The following SPAG16 variants were observed in gnomAD, a reference collection of about 807,000 sequenced individuals.
The protein encoded by SPAG16 is sperm-associated antigen 16 protein.
A neutral mutation model predicts 80.4 loss-of-function variants in SPAG16; 86 were observed. That is an observed-to-expected ratio of 1.07 (90% CI 0.90 to 1.28). The LOEUF is 1.28. Ranked by LOEUF, SPAG16 falls within the 50% of genes most tolerant of loss-of-function variation. The pLI, the probability that SPAG16 is intolerant of heterozygous loss-of-function variation, is 0.00. For synonymous variants in SPAG16, 294 were observed against 265.9 expected, an observed-to-expected ratio of 1.11 and a Z score of -1.03; for missense variants, 870 against 765.3, an observed-to-expected ratio of 1.14 and a Z score of -1.61.
At chr2:213,940,557 G>A (rs529927266) in intron 12 of SPAG16, among the ~76,000 whole-genome samples, 1 of 152,274 alleles carries the variant, frequency 6.6e-6, no homozygotes, top group East Asian at 1.9e-4. Flanking sequence ...ATTCTCTAGA[G>A]TAGAGAGAAT....
rs1402725695 is a variant in SPAG16 at position 213,643,346 on chromosome 2, TTTTATATATATATATATATATATA to T, written c.1070+153258_1070+153281del. Among the ~76,000 whole-genome samples, 499 of 72,668 alleles carry T rather than the reference TTTTATATATATATATATATATATA, an allele frequency of 6.9e-3. 21 individuals are homozygous for T. Among genetic ancestry groups the T allele is most frequent in the Middle Eastern group, 0.022 (3 of 134 alleles). The allele number at this position is 72,668 out of a possible 152,430, so 47.7% of individuals were successfully genotyped here. ...TGCTGCCAGATGTATTGGATCTTAA[TTTTATATATATATATATATATATA>T]TATATATATATATATATATATATAT... On this transcript the variant is annotated intron_variant, in intron 10 of 15. Transcript: ENST00000331683.
chr2:214,188,859 A>T (rs556388139), intron 15 of SPAG16, among the ~76,000 whole-genome samples: 6 of 152,266 alleles, frequency 3.9e-5, no homozygotes, highest in African/African-American at 1.4e-4. Flanking sequence ...TAATTTGATG[A>T]TAATCACTTA....
intron 9 of SPAG16, among the ~76,000 whole-genome samples, chr2:213,383,899 T>C (rs556632800): frequency 6.6e-6 from 1 of 152,338 alleles, no homozygotes; most frequent in South Asian, 2.1e-4. Flanking sequence ...AAACATGTAC[T>C]GTTGTCTGCC....
intron 1 of SPAG16, among the ~76,000 whole-genome samples, chr2:213,295,273 G>A (rs1033871685): frequency 1.3e-5 from 2 of 152,036 alleles, no homozygotes; most frequent in African/African-American, 4.8e-5. Flanking sequence ...AGCATTGCTG[G>A]TGTGTGCTGT....
At chr2:213,513,448 G>C (rs1575800232) in intron 10 of SPAG16, among the ~76,000 whole-genome samples, 1 of 152,048 alleles carries the variant, frequency 6.6e-6, no homozygotes, top group East Asian at 1.9e-4. Flanking sequence ...ATTCAAACCT[G>C]GGCAATGGAG....
intron 9 of SPAG16, among the ~76,000 whole-genome samples, chr2:213,489,477 T>G (rs1236190960): frequency 6.6e-6 from 1 of 152,114 alleles, no homozygotes; most frequent in Admixed American, 6.5e-5. Context: ...AAATTAGTAC[T>G]GTGTCCTTAG....
chr2:214,320,312 GA>G (rs2125992658), intron 15 of SPAG16, among the ~76,000 whole-genome samples: 1 of 152,246 alleles, frequency 6.6e-6, no homozygotes, highest in South Asian at 2.1e-4. Context: ...CTTCCTTCCA[GA>G]ACTTCTTGTA....
intron 10 of SPAG16, among the ~76,000 whole-genome samples, chr2:213,728,876 C>CAAAAAAAAAAA (rs58070679): frequency 6.2e-4 from 36 of 58,450 alleles, no homozygotes; most frequent in Middle Eastern, 0.012. Context: ...GACTCCGTCT[C>CAAAAAAAAAAA]AAAAAAAAAA....
At chr2:213,625,934 C>A (rs2061945948) in intron 10 of SPAG16, among the ~76,000 whole-genome samples, 1 of 152,112 alleles carries the variant, frequency 6.6e-6, no homozygotes, top group African/African-American at 2.4e-5. Flanking sequence ...AGGTTATCCA[C>A]CCGCCTCGGT....
intron 15 of SPAG16, among the ~76,000 whole-genome samples, chr2:214,255,037 C>T (rs574934835): frequency 2.6e-5 from 4 of 152,144 alleles, no homozygotes; most frequent in South Asian, 2.1e-4. Context: ...GTGAGGAAAA[C>T]GCATTTTAAT....
chr2:213,539,762 A>G lies in SPAG16; in HGVS notation c.1070+49672A>G, dbSNP rs1261534365. The stretch of plus-strand genomic sequence containing the variant: ...GCGTGGTTAAACAAATAATAATACA[A>G]GTACATAATTAATGAAAATTATTTT... On this transcript the variant is annotated intron_variant, in intron 10 of 15. Coordinates refer to ENST00000331683, the MANE Select transcript of SPAG16 (RefSeq NM_024532.5). Among the ~76,000 whole-genome samples the G allele has an allele frequency of 2.6e-5, 4 of 152,216 alleles. No individual in the cohort carries two copies. In the East Asian group the frequency reaches 7.7e-4, roughly 29 times the overall value.
intron 10 of SPAG16, among the ~76,000 whole-genome samples, chr2:213,824,399 AT>A (rs1182187002): frequency 1.3e-5 from 2 of 152,060 alleles, no homozygotes; most frequent in Non-Finnish European, 2.9e-5. Flanking sequence ...TCTTTAACCC[AT>A]TTATATTGAT....
intron 5 of SPAG16, among the ~76,000 whole-genome samples, chr2:213,332,403 C>G (rs183612100): frequency 1.6e-4 from 25 of 152,214 alleles, no homozygotes; most frequent in Non-Finnish European, 3.2e-4. Flanking sequence ...TATGAAGTCT[C>G]CCAGTAAAGA....
At chr2:214,022,903 A>T (rs2047948983) in intron 13 of SPAG16, among the ~76,000 whole-genome samples, 1 of 151,978 alleles carries the variant, frequency 6.6e-6, no homozygotes, top group Non-Finnish European at 1.5e-5. Context: ...TGTTTCTCCA[A>T]GTTATTGCCA....
At chr2:213,680,695 A>T (rs1319947641) in intron 10 of SPAG16, among the ~76,000 whole-genome samples, 1 of 152,206 alleles carries the variant, frequency 6.6e-6, no homozygotes, top group African/African-American at 2.4e-5. Flanking sequence ...TAAGAGATTT[A>T]TTCTGAACCA....
At chr2:214,199,150 T>C (rs961256417) in intron 15 of SPAG16, among the ~76,000 whole-genome samples, 4 of 152,172 alleles carry the variant, frequency 2.6e-5, no homozygotes, top group African/African-American at 9.6e-5. Flanking sequence ...CATTTGCTTT[T>C]GTGGTCTGAA....
At chr2:213,647,768 T>C (rs2062871456) in intron 10 of SPAG16, among the ~76,000 whole-genome samples, 1 of 152,180 alleles carries the variant, frequency 6.6e-6, no homozygotes, top group African/African-American at 2.4e-5. Flanking sequence ...ATCTAAACCA[T>C]GGACCCTATA....
rs1013980302 is a variant in SPAG16, at chr2:213,820,518, T to C, written c.1071-41967T>C. 2.6e-4 allele frequency among the ~76,000 whole-genome samples: 39 copies of C among 152,248 alleles called. 1 individual carries two copies. Among genetic ancestry groups the C allele is most frequent in the East Asian group, 2.3e-3 (12 of 5,186 alleles). ...GCTTAAAAAGTGCTTTTTCAGTTTT[T>C]ATAAGCACAAAAAAGGTAGAACCTT... On this transcript the variant is annotated intron_variant, in intron 10 of 15. Coordinates refer to ENST00000331683, the MANE Select transcript of SPAG16 (RefSeq NM_024532.5).
intron 11 of SPAG16, among the ~76,000 whole-genome samples, chr2:213,869,874 T>C (rs1327113848): frequency 1.3e-5 from 2 of 152,146 alleles, no homozygotes; most frequent in Non-Finnish European, 2.9e-5. Context: ...AATCAACTAA[T>C]GTTAAGGAGG....
Sources: allele counts gnomAD v4.1 joint callset (sites outside exome capture counted in the v4.1 genomes callset), GRCh38; gene constraint gnomAD v4.1.1; transcripts MANE v1.5; gene names NCBI Gene and HGNC (gene_info 2026-07-23, HGNC 2026-07-21).